Variants in NAALADL2 observed in about 807,000 individuals in gnomAD.
NAALADL2 encodes inactive N-acetylated-alpha-linked acidic dipeptidase-like protein 2.
A neutral mutation model predicts 87.2 loss-of-function variants in NAALADL2; 76 were observed. The observed-to-expected ratio is 0.87, with a 90% confidence interval of 0.72 to 1.05. The LOEUF (loss-of-function observed/expected upper bound fraction) is 1.05. NAALADL2 is among the 50% of genes least tolerant of loss of function. The pLI, the probability that NAALADL2 is intolerant of heterozygous loss-of-function variation, is 0.00. For synonymous variants in NAALADL2, 354 were observed against 331.0 expected (o/e 1.07, Z -0.75); for missense variants, 1,089 against 945.8 (o/e 1.15, Z -1.99).
intron 2 of NAALADL2, among the ~76,000 whole-genome samples, chr3:174,604,262 T>C (rs936732334): frequency 5.3e-5 from 8 of 152,188 alleles, no homozygotes; most frequent in Admixed American, 6.6e-5. Flanking sequence ...TGAGTGCATA[T>C]ATGTTTAAAA....
At chr3:175,398,856 C>A (rs1217029863) in intron 5 of NAALADL2, among the ~76,000 whole-genome samples, 1 of 151,904 alleles carries the variant, frequency 6.6e-6, no homozygotes, top group African/African-American at 2.4e-5. Context: ...CCGATCCAGA[C>A]CCCAAGAGAG....
intron 3 of NAALADL2, among the ~76,000 whole-genome samples, chr3:174,758,611 G>A (rs1712455200): frequency 6.6e-6 from 1 of 152,178 alleles, no homozygotes; most frequent in African/African-American, 2.4e-5. Flanking sequence ...TCCCAGTTTT[G>A]CCTTAGGCTT....
intron 6 of NAALADL2, among the ~76,000 whole-genome samples, chr3:175,455,510 T>C (rs1722198377): frequency 6.6e-6 from 1 of 152,106 alleles, no homozygotes; most frequent in Admixed American, 6.6e-5. Flanking sequence ...ATTCGTATTA[T>C]TTAAAATGTC....
chr3:175,413,192 A>G (rs541205973), intron 5 of NAALADL2, among the ~76,000 whole-genome samples: 2 of 142,026 alleles, frequency 1.4e-5, no homozygotes, highest in African/African-American at 2.7e-5. Context: ...AGGTCAGGAG[A>G]TGGAGAATAT....
chr3:175,387,382 C>T (rs542545854), intron 5 of NAALADL2, among the ~76,000 whole-genome samples: 1 of 152,012 alleles, frequency 6.6e-6, no homozygotes, highest in Non-Finnish European at 1.5e-5. Context: ...AGAAAATTCT[C>T]CTGTGGTACA....
At chr3:174,693,160 G>T (rs1728736909) in intron 2 of NAALADL2, among the ~76,000 whole-genome samples, 1 of 151,816 alleles carries the variant, frequency 6.6e-6, no homozygotes, top group Non-Finnish European at 1.5e-5. Flanking sequence ...CTATTCACCA[G>T]GATGTTCTTG....
At chr3:175,160,052 T>C (rs558525443) in intron 2 of NAALADL2, among the ~76,000 whole-genome samples, 3 of 150,428 alleles carry the variant, frequency 2.0e-5, no homozygotes, top group South Asian at 2.1e-4. Flanking sequence ...CTGGCCAGGC[T>C]GGCCTCGAAC....
intron 2 of NAALADL2, among the ~76,000 whole-genome samples, chr3:174,700,505 A>G (rs933314095): frequency 6.6e-6 from 1 of 152,088 alleles, no homozygotes; most frequent in Non-Finnish European, 1.5e-5. Context: ...AAAACAACCT[A>G]CCTGTTAGCA....
At chr3:174,603,022 T>C (rs1578276895) in intron 2 of NAALADL2, among the ~76,000 whole-genome samples, 1 of 152,132 alleles carries the variant, frequency 6.6e-6, no homozygotes, top group South Asian at 2.1e-4. Context: ...TAGTATTTTG[T>C]TGAGAATTTT....
rs568205166 is a variant in NAALADL2 at position 175,809,450 on chromosome 3, ATT to A, written c.*6255_*6256del. 3 of 143,204 alleles carry A rather than the reference ATT, an allele frequency of 2.1e-5. No homozygotes were observed. Among genetic ancestry groups the A allele is most frequent in the Non-Finnish European group, 4.5e-5 (3 of 66,452 alleles). The allele number at this position is 143,204 out of a possible 1,614,324, so 8.9% of individuals were successfully genotyped here. ...CTTTCTAGAACACTGTGCAGGACTA[ATT>A]TTTTTTTAATAGACATCCAGAAAAT... On this transcript the variant is annotated 3_prime_UTR_variant, in exon 14 of 14. Coordinates refer to ENST00000454872, the MANE Select transcript of NAALADL2 (RefSeq NM_207015.3).
intron 12 of NAALADL2, among the ~76,000 whole-genome samples, chr3:175,752,346 G>A (rs950447584): frequency 3.9e-5 from 6 of 152,012 alleles, no homozygotes; most frequent in African/African-American, 1.4e-4. Flanking sequence ...AAATGGCAGT[G>A]AATAAAAGAC....
intron 3 of NAALADL2, among the ~76,000 whole-genome samples, chr3:174,745,523 G>A (rs1483336376): frequency 1.3e-5 from 2 of 152,140 alleles, no homozygotes; most frequent in Admixed American, 6.6e-5. Context: ...AGAGGAGCTG[G>A]TACCATTCCT....
rs146055176 is a variant in NAALADL2, at chr3:175,625,754, G to A, written c.1801-1537G>A. Among the ~76,000 whole-genome samples the A allele has an allele frequency of 6.1e-3, 921 of 151,994 alleles. 9 individuals carry two copies. The highest frequency in any genetic ancestry group is 0.021 in the African/African-American group (863 of 41,506). On this transcript the variant is annotated intron_variant, in intron 10 of 13. Coordinates refer to ENST00000454872, the MANE Select transcript of NAALADL2 (RefSeq NM_207015.3). The stretch of plus-strand genomic sequence containing the variant: ...ATTCATGGTATGATCTTGGGCTAGC[G>A]CTGGAACTCACTGGTTCTCATTTGT...
At chr3:174,840,096 C>A (rs1044418421) in intron 3 of NAALADL2, among the ~76,000 whole-genome samples, 16 of 151,498 alleles carry the variant, frequency 1.1e-4, no homozygotes, top group African/African-American at 3.9e-4. Context: ...AATGTGGAAC[C>A]AACCCAAATG....
chr3:175,328,349 C>T (rs934193238), intron 5 of NAALADL2, among the ~76,000 whole-genome samples: 1 of 151,722 alleles, frequency 6.6e-6, no homozygotes, highest in Non-Finnish European at 1.5e-5. Context: ...TTGTATTATC[C>T]TCATTAGATT....
chr3:175,024,847 G>A (rs1364424168), intron 1 of NAALADL2, among the ~76,000 whole-genome samples: 6 of 151,964 alleles, frequency 3.9e-5, no homozygotes, highest in Non-Finnish European at 8.8e-5. Flanking sequence ...TCATGTGATG[G>A]TGTTGCTGAA....
intron 2 of NAALADL2, among the ~76,000 whole-genome samples, chr3:175,109,887 T>C (rs754170387): frequency 3.3e-5 from 5 of 151,706 alleles, no homozygotes; most frequent in Admixed American, 6.6e-5. Flanking sequence ...GAGGAGCATA[T>C]GGTGCTACGT....
intron 9 of NAALADL2, among the ~76,000 whole-genome samples, chr3:175,524,672 G>A (rs138706412): frequency 3.6e-4 from 54 of 152,108 alleles, no homozygotes; most frequent in African/African-American, 1.3e-3. Context: ...ACAGTTATTA[G>A]TATATTCCCT....
At chr3:175,795,438 C>T (rs1753336565) in intron 13 of NAALADL2, among the ~76,000 whole-genome samples, 2 of 151,950 alleles carry the variant, frequency 1.3e-5, no homozygotes, top group South Asian at 4.1e-4. Context: ...TTTTGGGAGA[C>T]CGAGGTAAGT....
Sources: gnomAD v4.1 joint callset for allele counts (sites outside exome capture counted in the v4.1 genomes callset) on GRCh38, gnomAD v4.1.1 for gene constraint, MANE v1.5 for transcripts, NCBI Gene and HGNC (gene_info 2026-07-23, HGNC 2026-07-21) for gene names.